The following DYM variants were observed in gnomAD, a reference collection of about 807,000 sequenced individuals.
DYM encodes dyggve-Melchior-Clausen syndrome protein.
In DYM, 78 loss-of-function variants were observed where a neutral mutation model predicts 93.1. The ratio of observed to expected loss-of-function variants is 0.84; its 90% CI spans 0.70 to 1.01. DYM has a LOEUF of 1.01. DYM is among the 50% of genes least tolerant of loss of function. The pLI, the probability that DYM is intolerant of heterozygous loss-of-function variation, is 0.00. For synonymous variants in DYM, 321 were observed against 319.7 expected, an observed-to-expected ratio of 1.00 and a Z score of -0.04; for missense variants, 789 against 845.0, an observed-to-expected ratio of 0.93 and a Z score of 0.82.
At chr18:49,091,501 C>T (rs78965095) in intron 17 of DYM, among the ~76,000 whole-genome samples, 2,325 of 152,150 alleles carry the variant, frequency 0.015, 26 homozygotes, top group South Asian at 0.045. Context: ...CAAGGCTCTA[C>T]GAGTGGAGAG....
rs375873069 is a variant in DYM, at chr18:49,163,665, T to C, written c.1728+20A>G. 4.5e-6 allele frequency: 7 copies of C among 1,564,466 alleles called. No individual in the cohort carries two copies. In the African/African-American group the frequency reaches 9.5e-5, roughly 21 times the overall value. ...GGCTGAAAGGAAAATTTTTTATTGATGAATAAGGTAACTACTTACATAATC... is the reference window on the plus strand; with the variant it reads ...GGCTGAAAGGAAAATTTTTTATTGACGAATAAGGTAACTACTTACATAATC... On this transcript the variant is annotated intron_variant, in intron 15 of 17. Transcript: ENST00000675505.
intron 13 of DYM, among the ~76,000 whole-genome samples, chr18:49,231,957 CTT>C (rs2093707601): frequency 6.6e-6 from 1 of 152,188 alleles, no homozygotes; most frequent in Non-Finnish European, 1.5e-5. Context: ...GACAAGAAAA[CTT>C]AGTATTCATA....
At chr18:49,061,631 G>A (rs992214773) in intron 17 of DYM, among the ~76,000 whole-genome samples, 1 of 152,226 alleles carries the variant, frequency 6.6e-6, no homozygotes, top group South Asian at 2.1e-4. Context: ...GCAGCTGGGG[G>A]ACTAGTGCAG....
At chr18:49,108,495 G>A (rs576111941) in intron 16 of DYM, among the ~76,000 whole-genome samples, 6 of 152,330 alleles carry the variant, frequency 3.9e-5, no homozygotes, top group South Asian at 4.1e-4. Flanking sequence ...CTTCTGCATC[G>A]CTCACACTGG....
intron 2 of DYM, among the ~76,000 whole-genome samples, chr18:49,419,078 G>C (rs1047705305): frequency 6.6e-6 from 1 of 152,090 alleles, no homozygotes; most frequent in African/African-American, 2.4e-5. Flanking sequence ...AAAAGAGAAT[G>C]GTGGCCAGGC....
chr18:49,122,179 G>T (rs572471920), intron 15 of DYM, among the ~76,000 whole-genome samples: 1 of 152,108 alleles, frequency 6.6e-6, no homozygotes. Flanking sequence ...TGTTATATAT[G>T]GGTACTTTTA....
At chr18:49,173,772 G>A (rs2089047866) in intron 14 of DYM, among the ~76,000 whole-genome samples, 1 of 151,974 alleles carries the variant, frequency 6.6e-6, no homozygotes, top group African/African-American at 2.4e-5. Context: ...CATGTCTTGT[G>A]CAAATAGCTA....
intron 15 of DYM, among the ~76,000 whole-genome samples, chr18:49,162,259 A>G (rs1275250102): frequency 1.3e-5 from 2 of 152,190 alleles, no homozygotes; most frequent in Non-Finnish European, 2.9e-5. Flanking sequence ...GTTAGAACAG[A>G]ATACCTGAAA....
At chr18:49,393,662 C>G (rs774258015) in intron 2 of DYM, 6 of 152,142 alleles carry the variant, frequency 3.9e-5, no homozygotes, top group African/African-American at 1.4e-4. Context: ...TTCAGCTACT[C>G]GGGAGGCTGA....
intron 8 of DYM, among the ~76,000 whole-genome samples, chr18:49,298,931 C>T (rs2060727837): frequency 1.3e-5 from 2 of 152,068 alleles, no homozygotes; most frequent in South Asian, 2.1e-4. Flanking sequence ...AGCCTTGTGC[C>T]CTCAGAGATA....
chr18:49,332,418 CT>C (rs1377337109), intron 7 of DYM, among the ~76,000 whole-genome samples: 1 of 152,098 alleles, frequency 6.6e-6, no homozygotes, highest in African/African-American at 2.4e-5. Flanking sequence ...AACTCTTGAA[CT>C]CCAGTTACTT....
chr18:49,293,425 T>A (rs1045895146), intron 8 of DYM, among the ~76,000 whole-genome samples: 3 of 152,224 alleles, frequency 2.0e-5, no homozygotes, highest in Non-Finnish European at 2.9e-5. Flanking sequence ...ATGGCTGAAC[T>A]AATTTACACT....
Position 49,100,227 on chromosome 18 carries a change from C to G in DYM, c.1912-2712G>C, listed in dbSNP as rs569541883. Among the ~76,000 whole-genome samples the G allele has an allele frequency of 4.6e-5, 7 of 152,202 alleles. No homozygotes were observed. The East Asian group carries it at 1.3e-3, about 29-fold the overall frequency. ...CTAATATTTTCTTTCCATGCTTCTA[C>G]GGATGAACTGTTAGTGCAATCTCTG... On this transcript the variant is annotated intron_variant, in intron 16 of 17. Transcript: ENST00000675505.
At chr18:49,422,553 C>A (rs1184471779) in intron 2 of DYM, among the ~76,000 whole-genome samples, 1 of 152,060 alleles carries the variant, frequency 6.6e-6, no homozygotes, top group Non-Finnish European at 1.5e-5. Context: ...ACAATATTAA[C>A]CTTAAATGTA....
chr18:49,120,859 G>C (rs2082319105), intron 15 of DYM, among the ~76,000 whole-genome samples: 1 of 151,964 alleles, frequency 6.6e-6, no homozygotes. Context: ...TGTCACCTAG[G>C]CTGGAGTGCA....
intron 7 of DYM, among the ~76,000 whole-genome samples, chr18:49,333,235 C>A (rs2063436311): frequency 1.3e-5 from 2 of 152,162 alleles, no homozygotes; most frequent in Admixed American, 1.3e-4. Flanking sequence ...AAGAGCATAG[C>A]CCCACAGTCT....
chr18:49,130,380 C>A (rs922064201), intron 15 of DYM, among the ~76,000 whole-genome samples: 5 of 152,296 alleles, frequency 3.3e-5, no homozygotes, highest in African/African-American at 9.6e-5. Context: ...AAGGTCTCCC[C>A]ATTTACAGGC....
At chr18:49,191,494 C>T (rs1281836883) in intron 14 of DYM, among the ~76,000 whole-genome samples, 3 of 151,798 alleles carry the variant, frequency 2.0e-5, no homozygotes, top group African/African-American at 7.3e-5. Flanking sequence ...GGATACAACA[C>T]CATGAAATTT....
At position 49,190,476 on chromosome 18, in the gene DYM, T is replaced by G. The variant is rs935559187; in HGVS notation, c.1625+19075A>C. Among the ~76,000 whole-genome samples the G allele has an allele frequency of 1.2e-4, 19 of 152,190 alleles. No individual in the cohort carries two copies. The East Asian group carries it at 3.7e-3, about 29-fold the overall frequency. Reference sequence around the variant, plus strand: ...GACTCTCAATGCCACAACCATTGCATGCTAGGATGCAGAGACAATACATTG... The same window carrying G: ...GACTCTCAATGCCACAACCATTGCAGGCTAGGATGCAGAGACAATACATTG... On this transcript the variant is annotated intron_variant, in intron 14 of 17. Coordinates refer to ENST00000675505, the MANE Select transcript of DYM (RefSeq NM_001353214.3).
Sources: allele counts gnomAD v4.1 joint callset (sites outside exome capture counted in the v4.1 genomes callset), GRCh38; gene constraint gnomAD v4.1.1; transcripts MANE v1.5; gene names NCBI Gene and HGNC (gene_info 2026-07-23, HGNC 2026-07-21).